Variants in LRRC3C observed in about 807,000 individuals in gnomAD.
LRRC3C encodes the protein leucine rich repeat containing 3C, also known as leucine-rich repeat-containing protein 3C.
LRRC3C carries 11 observed loss-of-function variants against 14.8 expected under a neutral mutation model. The ratio of observed to expected loss-of-function variants is 0.74; its 90% confidence interval spans 0.47 to 1.23. LRRC3C has a LOEUF of 1.23. Ranked by LOEUF, LRRC3C falls within the 50% of genes most tolerant of loss-of-function variation. LRRC3C has a pLI of 0.00. For synonymous variants in LRRC3C, 149 were observed against 161.5 expected (o/e 0.92, Z 0.59); for missense variants, 354 against 361.8 (o/e 0.98, Z 0.18).
intron 1 of LRRC3C, among the ~76,000 whole-genome samples, chr17:39,930,833 G>GT (rs1470125226): frequency 6.6e-6 from 1 of 151,000 alleles, no homozygotes; most frequent in Non-Finnish European, 1.5e-5. Context: ...TGGTAAGGTT[G>GT]TTTTTTTAAT....
Position 39,927,795 on chromosome 17 carries a change from G to C in LRRC3C, c.-194G>C. On this transcript the variant is annotated 5_prime_UTR_variant, in exon 1 of 4. Coordinates refer to ENST00000377924, the MANE Select transcript of LRRC3C (RefSeq NM_001195545.2). ...AAGTTGTACCGTGACGTGATGGTCAGATCGGATGATAGAATTTTGGTGCGT... is the reference window on the plus strand; with the variant it reads ...AAGTTGTACCGTGACGTGATGGTCACATCGGATGATAGAATTTTGGTGCGT... The C allele has an allele frequency of 1.0e-6, 1 of 985,538 alleles. No homozygotes were observed. The highest frequency in any genetic ancestry group is 1.2e-6 in the Non-Finnish European group (1 of 829,972). The allele number at this position is 985,538 out of a possible 1,614,324, so 61.0% of individuals were successfully genotyped here.
chr17:39,935,826 G>T lies in LRRC3C; in HGVS notation c.-150G>T. 1 of 985,424 alleles carries T rather than the reference G, an allele frequency of 1.0e-6. No individual in the cohort carries two copies. Among genetic ancestry groups the T allele is most frequent in the Non-Finnish European group, 1.2e-6 (1 of 829,938 alleles). 61.0% of individuals were successfully genotyped at this position (985,424 alleles called of 1,614,324 possible). The stretch of plus-strand genomic sequence containing the variant: ...GGGAACAACAATAGCAGAGGCCTTT[G>T]TTGCCCTCTCCGCGAAACTGCCCAG... On this transcript the variant is annotated 5_prime_UTR_variant, in exon 2 of 4. Transcript: ENST00000377924.
intron 2 of LRRC3C, among the ~76,000 whole-genome samples, chr17:39,940,388 C>T (rs1978905165): frequency 6.6e-6 from 1 of 152,176 alleles, no homozygotes; most frequent in Admixed American, 6.6e-5. Context: ...TTACACTCTG[C>T]TGCTGTCGTC....
chr17:39,940,600 A>C (rs1978911142), intron 2 of LRRC3C, among the ~76,000 whole-genome samples: 1 of 132,256 alleles, frequency 7.6e-6, no homozygotes, highest in South Asian at 2.6e-4. Flanking sequence ...TTTTGTAGAA[A>C]GTGCATTTGG....
At chr17:39,941,411 CCA>C (rs962199202) in intron 2 of LRRC3C, 30 bp from the exon 3 acceptor site, 18 of 721,388 alleles carry the variant, frequency 2.5e-5, no homozygotes, top group African/African-American at 5.4e-5. Context: ...AGGGACCCCC[CCA>C]CACACACCCC....
At chr17:39,934,981 C>T (rs931158304) in intron 1 of LRRC3C, among the ~76,000 whole-genome samples, 2 of 152,296 alleles carry the variant, frequency 1.3e-5, no homozygotes, top group East Asian at 1.9e-4. Flanking sequence ...CCAGCGGTCA[C>T]TCTCATTGCC....
intron 1 of LRRC3C, among the ~76,000 whole-genome samples, chr17:39,934,975 C>G (rs8065244): frequency 0.097 from 14,824 of 152,146 alleles, 819 homozygotes; most frequent in African/African-American, 0.12. Context: ...GGACCACCAG[C>G]GGTCACTCTC....
intron 2 of LRRC3C, among the ~76,000 whole-genome samples, chr17:39,937,134 C>T (rs1163582772): frequency 6.7e-6 from 1 of 148,226 alleles, no homozygotes; most frequent in African/African-American, 2.5e-5. Context: ...GAGACTCTGT[C>T]TAAAAAAAAT....
rs1280541604 is a variant in LRRC3C, at chr17:39,944,259, T to C, written c.353T>C (p.Leu118Pro). ...LDLSHNALAHLSGAAFQGLEG... is the reference protein window; with the variant it reads ...LDLSHNALAHPSGAAFQGLEG... Reference sequence around the variant, plus strand: ...CTGTCCCATAATGCCCTTGCCCACCTCTCAGGGGCGGCTTTCCAGGGCCTG... The same window carrying C: ...CTGTCCCATAATGCCCTTGCCCACCCCTCAGGGGCGGCTTTCCAGGGCCTG... Residue 118 changes from leucine to proline, a missense_variant, in exon 4 of 4, where the codon CTC (leucine) becomes CCC (proline). Physicochemically the swap from Leu to Pro is moderately conservative, Grantham distance 98. Transcript: ENST00000377924. The C allele has an allele frequency of 2.6e-6, 4 of 1,534,688 alleles. No individual in the cohort carries two copies. The highest frequency in any genetic ancestry group is 3.5e-6 in the Non-Finnish European group (4 of 1,146,266).
chr17:39,941,340 G>A (rs536984639), intron 2 of LRRC3C, 103 bp from the exon 3 acceptor site: 5 of 492,218 alleles, frequency 1.0e-5, no homozygotes, highest in African/African-American at 5.2e-5. Context: ...CACAGAGTGA[G>A]ACTTTATCTA....
intron 2 of LRRC3C, among the ~76,000 whole-genome samples, chr17:39,938,859 G>A (rs970790984): frequency 6.6e-6 from 1 of 151,984 alleles, no homozygotes; most frequent in Admixed American, 6.6e-5. Context: ...GGTGATGCAG[G>A]CCTGTAATCC....
In LRRC3C at chr17:39,941,443, C is replaced by A; in HGVS notation, c.-81C>A. On this transcript the variant is annotated splice_region_variant and 5_prime_UTR_variant, in exon 3 of 4. Transcript: ENST00000377924. ...CACCCCATTTTTATTTTGCACTCAG[C>A]TCTACAATTCCGTGTCCAGTCCTGG... 2 of 1,164,964 alleles carry A rather than the reference C, an allele frequency of 1.7e-6. No individual in the cohort carries two copies. Among genetic ancestry groups the A allele is most frequent in the Non-Finnish European group, 2.5e-6 (2 of 813,096 alleles). The allele number at this position is 1,164,964 out of a possible 1,614,324, so 72.2% of individuals were successfully genotyped here.
intron 1 of LRRC3C, among the ~76,000 whole-genome samples, chr17:39,933,965 G>A (rs1191446908): frequency 6.6e-6 from 1 of 152,220 alleles, no homozygotes; most frequent in Non-Finnish European, 1.5e-5. Context: ...GAAGGAGGGG[G>A]AGGGGAAGGC....
chr17:39,929,369 G>A (rs1337017719), intron 1 of LRRC3C: 2 of 152,112 alleles, frequency 1.3e-5, no homozygotes. Flanking sequence ...CTGTTATCGA[G>A]GATTTTTTTT....
At chr17:39,929,153 G>A (rs901280269) in intron 1 of LRRC3C, 1 of 152,130 alleles carries the variant, frequency 6.6e-6, no homozygotes, top group Admixed American at 6.5e-5. Flanking sequence ...TGTTTTTTCC[G>A]AAGTGTGCCT....
chr17:39,935,878 C>A lies in LRRC3C; in HGVS notation c.-98C>A. 1 of 985,440 alleles carries A rather than the reference C, an allele frequency of 1.0e-6. No homozygotes were observed. Among genetic ancestry groups the A allele is most frequent in the Non-Finnish European group, 1.2e-6 (1 of 829,916 alleles). The allele number at this position is 985,440 out of a possible 1,614,324, so 61.0% of individuals were successfully genotyped here. A position where few individuals can be genotyped will look rare whatever the true frequency, so the allele number is the denominator to read the frequency against. ...AACCTGGCATTAGACGGGTCCCTGG[C>A]TGACCTGATAAAGAAGGTAGCCCTT... On this transcript the variant is annotated 5_prime_UTR_variant, in exon 2 of 4. It adds an upstream start codon to the 5' untranslated region. Coordinates refer to ENST00000377924, the MANE Select transcript of LRRC3C (RefSeq NM_001195545.2).
chr17:39,941,003 C>G (rs760593645), intron 2 of LRRC3C, among the ~76,000 whole-genome samples: 1 of 151,930 alleles, frequency 6.6e-6, no homozygotes, highest in Non-Finnish European at 1.5e-5. Context: ...CTCGGCCTCC[C>G]GAAGAGCTAG....
chr17:39,933,770 C>T (rs1978722366), intron 1 of LRRC3C, among the ~76,000 whole-genome samples: 1 of 152,188 alleles, frequency 6.6e-6, no homozygotes, highest in Non-Finnish European at 1.5e-5. Context: ...GAGCCCCTTC[C>T]CCTGGGGGAA....
At chr17:39,933,426 G>C (rs979969087) in intron 1 of LRRC3C, among the ~76,000 whole-genome samples, 4 of 152,090 alleles carry the variant, frequency 2.6e-5, no homozygotes, top group Admixed American at 6.6e-5. Context: ...GAAGCTGGGA[G>C]AAGGGATGTC....
Sources: gnomAD v4.1 joint callset for allele counts (sites outside exome capture counted in the v4.1 genomes callset) on GRCh38, gnomAD v4.1.1 for gene constraint, MANE v1.5 for transcripts, NCBI Gene and HGNC (gene_info 2026-07-23, HGNC 2026-07-21) for gene names.